The following WASL variants were observed in gnomAD, a reference collection of about 807,000 sequenced individuals.
WASL encodes actin nucleation-promoting factor WASL.
Under a neutral mutation model 55.5 loss-of-function variants are expected in WASL, and 20 were observed. The observed-to-expected ratio is 0.36, with a 90% CI of 0.25 to 0.52. The LOEUF is 0.52. Ranked by LOEUF, WASL falls within the 20% of genes least tolerant of loss-of-function variation. The pLI is 0.92. For synonymous variants in WASL, 249 were observed against 217.6 expected, an observed-to-expected ratio of 1.14 and a Z score of -1.27; for missense variants, 504 against 622.5, an observed-to-expected ratio of 0.81 and a Z score of 2.03.
rs745649691 is a variant in WASL, at chr7:123,739,876, ATGTGTG to A, written c.117+8736_117+8741del. On this transcript the variant is annotated intron_variant, in intron 1 of 10. Coordinates refer to ENST00000223023, the MANE Select transcript of WASL (RefSeq NM_003941.4). ...ATTCAAATCTTTTATACATTTATATATGTGTGTGTGTGTGTGTGTGTGTGTGTGTGT... is the reference window on the plus strand; with the variant it reads ...ATTCAAATCTTTTATACATTTATATATGTGTGTGTGTGTGTGTGTGTGTGT... Among the ~76,000 whole-genome samples, 506 of 115,614 alleles carry A rather than the reference ATGTGTG, an allele frequency of 4.4e-3. 2 individuals are homozygous for A. Among genetic ancestry groups the A allele is most frequent in the Middle Eastern group, 0.013 (3 of 230 alleles). 75.8% of individuals were successfully genotyped at this position (115,614 alleles called of 152,430 possible). A position where few individuals can be genotyped will look rare whatever the true frequency, so the allele number is the denominator to read the frequency against.
At chr7:123,709,001 C>T (rs2116789999) in intron 2 of WASL, 88 bp downstream of exon 2, 1 of 1,256,522 alleles carries the variant, frequency 8.0e-7, no homozygotes. Flanking sequence ...TTAAATATCA[C>T]ATATAGGATA....
chr7:123,711,468 A>G lies in WASL; in HGVS notation c.118-2245T>C, dbSNP rs117904897. On this transcript the variant is annotated intron_variant, in intron 1 of 10. Coordinates refer to ENST00000223023, the MANE Select transcript of WASL (RefSeq NM_003941.4). ...ATTTTCAGTAACTGGATTTTCAAAA[A>G]ATTTGCTACACTCTTATTATCAGTC... 9.6e-3 allele frequency among the ~76,000 whole-genome samples: 1,463 copies of G among 152,268 alleles called. 12 individuals are homozygous for G. The highest frequency in any genetic ancestry group is 0.017 in the South Asian group (84 of 4,822).
intron 8 of WASL, among the ~76,000 whole-genome samples, chr7:123,693,887 A>T (rs1013702293): frequency 2.0e-5 from 3 of 152,212 alleles, no homozygotes; most frequent in East Asian, 3.9e-4. Flanking sequence ...AATCCTTTAC[A>T]TCTAAATATC....
rs1187911050 is a variant in WASL at position 123,709,101 on chromosome 7, T to C, written c.240A>G (p.Ile80Met). The C allele has an allele frequency of 3.2e-5, 52 of 1,605,328 alleles. No homozygotes were observed. Among genetic ancestry groups the C allele is most frequent in the Non-Finnish European group, 4.4e-5 (52 of 1,176,018 alleles). The part of the protein sequence containing the change: ...DNPQRSYFLR[I>M]FDIKDGKLLW... ...AAACAAAACTCACCTTAATGTCAAA[T>C]ATTCTTAAAAAATAAGATCTCTGTG... The change falls in exon 2 of 11, where the codon ATA becomes ATG. Residue 80 changes from isoleucine to methionine, a missense_variant. This residue lies in a region of WASL where 230 missense variants were observed against 271.9 expected (regional missense o/e 0.85). Coordinates refer to ENST00000223023, the MANE Select transcript of WASL (RefSeq NM_003941.4).
chr7:123,723,096 T>C (rs551990845), intron 1 of WASL, among the ~76,000 whole-genome samples: 65 of 152,342 alleles, frequency 4.3e-4, no homozygotes, highest in Non-Finnish European at 8.5e-4. Flanking sequence ...TTAATACATG[T>C]AAAGTTCCTT....
intron 1 of WASL, among the ~76,000 whole-genome samples, chr7:123,734,486 G>A (rs1365776052): frequency 6.6e-6 from 1 of 151,568 alleles, no homozygotes; most frequent in Admixed American, 6.6e-5. Context: ...ACTAAATGCT[G>A]GTGTGAATGT....
intron 9 of WASL, among the ~76,000 whole-genome samples, chr7:123,689,502 T>C (rs1232360324): frequency 1.3e-5 from 2 of 152,184 alleles, no homozygotes; most frequent in Non-Finnish European, 2.9e-5. Context: ...TATCAAGGGA[T>C]TTCATGTTAT....
intron 1 of WASL, among the ~76,000 whole-genome samples, chr7:123,716,530 G>A (rs1404447662): frequency 1.3e-5 from 2 of 151,960 alleles, no homozygotes; most frequent in African/African-American, 4.8e-5. Context: ...TTACAGGCGT[G>A]AGCCACTGTG....
At chr7:123,720,669 G>A (rs1416917203) in intron 1 of WASL, among the ~76,000 whole-genome samples, 2 of 78,506 alleles carry the variant, frequency 2.5e-5, no homozygotes, top group African/African-American at 9.3e-5. Context: ...TTTTTTTTTT[G>A]AGATGGAGTC....
intron 1 of WASL, among the ~76,000 whole-genome samples, chr7:123,734,381 G>C (rs533638776): frequency 1.3e-5 from 2 of 152,088 alleles, no homozygotes; most frequent in Non-Finnish European, 2.9e-5. Flanking sequence ...CATATGAAAA[G>C]ATGGTCAACA....
chr7:123,720,172 G>C (rs767930362), intron 1 of WASL: 19 of 368,534 alleles, frequency 5.2e-5, no homozygotes, highest in Non-Finnish European at 8.4e-5. Flanking sequence ...CAGGGTAAAG[G>C]GGTAACACAC....
chr7:123,711,210 T>C (rs1286645820), intron 1 of WASL, among the ~76,000 whole-genome samples: 2 of 152,160 alleles, frequency 1.3e-5, no homozygotes, highest in African/African-American at 4.8e-5. Flanking sequence ...GGACTAAATA[T>C]TCATGATGTT....
At chr7:123,732,834 C>T (rs974575713) in intron 1 of WASL, among the ~76,000 whole-genome samples, 2 of 152,064 alleles carry the variant, frequency 1.3e-5, no homozygotes, top group Non-Finnish European at 2.9e-5. Flanking sequence ...AAGAATTAAA[C>T]ATCAAAACCA....
chr7:123,733,115 T>C (rs1804168977), intron 1 of WASL, among the ~76,000 whole-genome samples: 1 of 152,126 alleles, frequency 6.6e-6, no homozygotes, highest in Non-Finnish European at 1.5e-5. Context: ...AAAGTAAAAA[T>C]GTTTCCTCTC....
chr7:123,742,935 G>T (rs1369682742), intron 1 of WASL, among the ~76,000 whole-genome samples: 2 of 152,164 alleles, frequency 1.3e-5, no homozygotes, highest in Non-Finnish European at 2.9e-5. Context: ...TTCCCTGCTA[G>T]AGTCCCTGGA....
rs1803222967 is a variant in WASL, at chr7:123,683,001, T to C, written c.*1518A>G. ...TTATGATAACTAGATGCATGATCAC[T>C]AGAGATTATGTAATAAATGGTTAAA... On this transcript the variant is annotated 3_prime_UTR_variant, in exon 11 of 11. Transcript: ENST00000223023. The C allele has an allele frequency of 6.6e-6, 1 of 152,106 alleles. No individual in the cohort carries two copies. Among genetic ancestry groups the C allele is most frequent in the South Asian group, 2.1e-4 (1 of 4,830 alleles). 9.4% of individuals were successfully genotyped at this position (152,106 alleles called of 1,614,324 possible).
chr7:123,724,622 G>A (rs976367615), intron 1 of WASL, among the ~76,000 whole-genome samples: 2 of 152,050 alleles, frequency 1.3e-5, no homozygotes, highest in East Asian at 1.9e-4. Flanking sequence ...TTTTATATGC[G>A]TTTTGCATTT....
At chr7:123,712,314 C>T (rs916617164) in intron 1 of WASL, among the ~76,000 whole-genome samples, 1 of 152,126 alleles carries the variant, frequency 6.6e-6, no homozygotes, top group Non-Finnish European at 1.5e-5. Flanking sequence ...GTTCTGCAAG[C>T]TTGTACTTTC....
intron 1 of WASL, among the ~76,000 whole-genome samples, chr7:123,742,999 T>C (rs541765381): frequency 2.0e-5 from 3 of 152,202 alleles, no homozygotes; most frequent in South Asian, 4.1e-4. Context: ...TGTGGAGTTA[T>C]CTTGTCTGAC....
Sources: allele counts gnomAD v4.1 joint callset (sites outside exome capture counted in the v4.1 genomes callset), GRCh38; gene constraint gnomAD v4.1.1; regional missense constraint gnomAD v4.1.1; transcripts MANE v1.5; gene names NCBI Gene and HGNC (gene_info 2026-07-23, HGNC 2026-07-21).